The following RLF variants were observed in gnomAD, a reference collection of about 807,000 sequenced individuals.
The protein encoded by RLF is zinc finger protein Rlf.
RLF carries 7 observed loss-of-function variants against 162.9 expected under a neutral mutation model. The ratio of observed to expected loss-of-function variants is 0.04; its 90% CI spans 0.02 to 0.08. RLF has a LOEUF of 0.08. Ranked by LOEUF, RLF falls within the 10% of genes least tolerant of loss-of-function variation. RLF has a pLI of 1.00. For missense variants in RLF, 1,664 were observed against 2,244.7 expected, an observed-to-expected ratio of 0.74 and a Z score of 5.23; for synonymous variants, 782 against 791.5, an observed-to-expected ratio of 0.99 and a Z score of 0.20.
chr1:40,225,416 T>C (rs1290063754), intron 6 of RLF, among the ~76,000 whole-genome samples: 2 of 151,826 alleles, frequency 1.3e-5, no homozygotes. Context: ...CCATCTCTAC[T>C]TAAAATACAA....
chr1:40,185,845 A>C (rs1557742520), intron 1 of RLF, among the ~76,000 whole-genome samples: 37 of 21,138 alleles, frequency 1.8e-3, no homozygotes, highest in Non-Finnish European at 3.0e-3. Flanking sequence ...AAAAAAAGCA[A>C]AAAAAAAAAA....
intron 5 of RLF, among the ~76,000 whole-genome samples, chr1:40,218,906 G>A (rs555626578): frequency 4.6e-5 from 7 of 152,212 alleles, no homozygotes; most frequent in Admixed American, 2.6e-4. Flanking sequence ...TTTAAAACAC[G>A]TGTTCAGTTT....
intron 5 of RLF, among the ~76,000 whole-genome samples, chr1:40,213,663 A>C (rs184411369): frequency 6.8e-6 from 1 of 148,036 alleles, no homozygotes; most frequent in East Asian, 1.9e-4. Context: ...TGAATGAAGT[A>C]TTATTATATG....
At chr1:40,178,682 TTTGTG>T in intron 1 of RLF, among the ~76,000 whole-genome samples, 1 of 147,056 alleles carries the variant, frequency 6.8e-6, no homozygotes, top group East Asian at 2.0e-4. Flanking sequence ...TCTTTTTTGT[TTTGTG>T]TTTTTTTTTT....
At chr1:40,220,607 G>A (rs553869641) in intron 5 of RLF, among the ~76,000 whole-genome samples, 22 of 152,298 alleles carry the variant, frequency 1.4e-4, no homozygotes, top group Admixed American at 1.2e-3. Context: ...TGACTAGACT[G>A]TGATATCCAT....
chr1:40,187,657 T>C (rs1412847145), intron 1 of RLF, among the ~76,000 whole-genome samples: 1 of 152,184 alleles, frequency 6.6e-6, no homozygotes, highest in Non-Finnish European at 1.5e-5. Context: ...AGGGAACTTT[T>C]ACTGTATATG....
intron 4 of RLF, among the ~76,000 whole-genome samples, chr1:40,198,168 T>C (rs1642663194): frequency 6.6e-6 from 1 of 151,474 alleles, no homozygotes; most frequent in African/African-American, 2.4e-5. Context: ...CATGCCCGGC[T>C]AATTTTGTAT....
intron 5 of RLF, among the ~76,000 whole-genome samples, chr1:40,208,500 G>A (rs1438555333): frequency 2.6e-5 from 4 of 152,044 alleles, no homozygotes; most frequent in South Asian, 2.1e-4. Flanking sequence ...TAAATGTGTC[G>A]GTATCTAATC....
At chr1:40,205,889 A>G (rs1642785988) in intron 5 of RLF, among the ~76,000 whole-genome samples, 1 of 152,026 alleles carries the variant, frequency 6.6e-6, no homozygotes, top group African/African-American at 2.4e-5. Context: ...TGTCTACCTC[A>G]TTGATTACTC....
At chr1:40,177,146 C>T (rs375831399) in intron 1 of RLF, among the ~76,000 whole-genome samples, 4 of 151,792 alleles carry the variant, frequency 2.6e-5, no homozygotes, top group Non-Finnish European at 4.4e-5. Flanking sequence ...CCACCACACC[C>T]GGCTAATTTC....
chr1:40,202,626 ATTG>A lies in RLF; in HGVS notation c.810+17_810+19del. The A allele has an allele frequency of 7.1e-7, 1 of 1,406,996 alleles. No homozygotes were observed. 87.2% of individuals were successfully genotyped at this position (1,406,996 alleles called of 1,614,324 possible). On this transcript the variant is annotated intron_variant, in intron 5 of 7. Transcript: ENST00000372771. ...ATGCTATTAAGGAGGTGAGTAAATA[ATTG>A]TTGTCATTCAAACTTGGTATTAATT...
In RLF at chr1:40,177,194, C is replaced by T. The variant is rs1292725382; in HGVS notation, c.238-11861C>T. Among the ~76,000 whole-genome samples the T allele has an allele frequency of 3.9e-5, 6 of 152,126 alleles. No homozygotes were observed. In the South Asian group the frequency reaches 6.2e-4, roughly 16 times the overall value. ...TGAGACAGGGTTTCGCCATGTTGGC[C>T]AGGCTGGTCTTGAACTTCCGACCTC... On this transcript the variant is annotated intron_variant, in intron 1 of 7. Transcript: ENST00000372771.
chr1:40,233,436 TA>T (rs1218675217), intron 7 of RLF, among the ~76,000 whole-genome samples: 1 of 152,226 alleles, frequency 6.6e-6, no homozygotes, highest in Non-Finnish European at 1.5e-5. Flanking sequence ...CAAAAGGAGT[TA>T]GTAACTTGTT....
rs1281222153 is a variant in RLF at position 40,169,602 on chromosome 1, G to A, written c.237+7966G>A. On this transcript the variant is annotated intron_variant, in intron 1 of 7. Coordinates refer to ENST00000372771, the MANE Select transcript of RLF (RefSeq NM_012421.4). ...CTGCAGTCCGCAGTCCAGCCTGGGC[G>A]ACAGAGCGAGACTCCGTCTCAAAAA... 1.1e-4 allele frequency among the ~76,000 whole-genome samples: 13 copies of A among 117,212 alleles called. No homozygotes were observed. The Admixed American group carries it at 1.2e-3, about 11-fold the overall frequency. 76.9% of individuals were successfully genotyped at this position (117,212 alleles called of 152,430 possible).
chr1:40,185,004 A>T (rs1642454994), intron 1 of RLF, among the ~76,000 whole-genome samples: 1 of 152,148 alleles, frequency 6.6e-6, no homozygotes, highest in South Asian at 2.1e-4. Flanking sequence ...TGAGAGGCCA[A>T]GGTGGGAGGA....
At chr1:40,232,455 A>G (rs1437985005) in intron 7 of RLF, among the ~76,000 whole-genome samples, 1 of 152,182 alleles carries the variant, frequency 6.6e-6, no homozygotes, top group Non-Finnish European at 1.5e-5. Context: ...AGATTATCAT[A>G]TTGGCTAAAA....
In RLF at chr1:40,239,483, A is replaced by G. The variant is rs747126208; in HGVS notation, c.4781A>G (p.Tyr1594Cys). Reference sequence around the variant, plus strand: ...GAGAATCTTGTTGTTTGCGTTAAGTACGGTACCAAAATTAAGGAGGAACCC... The same window carrying G: ...GAGAATCTTGTTGTTTGCGTTAAGTGCGGTACCAAAATTAAGGAGGAACCC... ...QMENLVVCVK[Y>C]GTKIKEEPPS... The change falls in exon 8 of 8, where the codon TAC becomes TGC. Residue 1594 changes from tyrosine (Y) to cysteine (C), a missense_variant. Tyr to Cys is a radical substitution (Grantham distance 194). Transcript: ENST00000372771. 1.5e-5 allele frequency: 24 copies of G among 1,613,914 alleles called. No homozygotes were observed. The highest frequency in any genetic ancestry group is 1.9e-5 in the Non-Finnish European group (23 of 1,180,042).
Position 40,239,674 on chromosome 1 carries a change from A to G in RLF, c.4972A>G (p.Ser1658Gly), listed in dbSNP as rs769920945. Reference sequence around the variant, plus strand: ...AGGTCAGAAAGGGTGCATAGAAAGCAGCTCAGTATTTGATGCAGATACTCT... The same window carrying G: ...AGGTCAGAAAGGGTGCATAGAAAGCGGCTCAGTATTTGATGCAGATACTCT... ...DGGQKGCIES[S>G]SVFDADTLLY... Residue 1658 changes from serine to glycine, a missense_variant, in exon 8 of 8, where the codon AGC (serine) becomes GGC (glycine). Coordinates refer to ENST00000372771, the MANE Select transcript of RLF (RefSeq NM_012421.4). 2.1e-4 allele frequency: 333 copies of G among 1,614,128 alleles called. No individual in the cohort carries two copies. Among genetic ancestry groups the G allele is most frequent in the Non-Finnish European group, 2.8e-4 (328 of 1,180,060 alleles).
At chr1:40,230,078 C>T (rs1643133500) in intron 6 of RLF, among the ~76,000 whole-genome samples, 1 of 150,650 alleles carries the variant, frequency 6.6e-6, no homozygotes, top group South Asian at 2.1e-4. Flanking sequence ...GGTGCCATTG[C>T]ACTCCAGCCT....
Sources: allele counts gnomAD v4.1 joint callset (sites outside exome capture counted in the v4.1 genomes callset), GRCh38; gene constraint gnomAD v4.1.1; transcripts MANE v1.5; gene names NCBI Gene and HGNC (gene_info 2026-07-23, HGNC 2026-07-21).